The following SNTB2 variants were observed in gnomAD, a reference collection of about 807,000 sequenced individuals.
SNTB2 encodes syntrophin beta 2, also known as beta-2-syntrophin.
A neutral mutation model predicts 46.2 loss-of-function variants in SNTB2; 34 were observed. The observed-to-expected ratio is 0.74, with a 90% CI of 0.56 to 0.98. The LOEUF (loss-of-function observed/expected upper bound fraction) is 0.98. Among genes scored for constraint, SNTB2 ranks in the 50% least tolerant of loss-of-function variants. The pLI is 0.00. For synonymous variants in SNTB2, 290 were observed against 312.6 expected (o/e 0.93, Z 0.76); for missense variants, 603 against 731.4 (o/e 0.82, Z 2.02).
Position 69,307,972 on chromosome 16 carries a change from T to A in SNTB2, c.*7048T>A, listed in dbSNP as rs1012593432. 3.3e-5 allele frequency: 5 copies of A among 152,270 alleles called. No individual in the cohort carries two copies. Among genetic ancestry groups the A allele is most frequent in the Non-Finnish European group, 5.9e-5 (4 of 68,050 alleles). 9.4% of individuals were successfully genotyped at this position (152,270 alleles called of 1,614,324 possible). ...CTTTCTATCCAGCTTGCCTTCCATT[T>A]ATCTCTAGGGTTAGCTTTTCAGGCA... On this transcript the variant is annotated 3_prime_UTR_variant, in exon 7 of 7. Transcript: ENST00000336278.
At chr16:69,252,096 G>T (rs894818044) in intron 2 of SNTB2, among the ~76,000 whole-genome samples, 2 of 152,048 alleles carry the variant, frequency 1.3e-5, no homozygotes, top group African/African-American at 4.8e-5. Context: ...TCTTTTTGTG[G>T]CTCATCCTTC....
At chr16:69,271,761 T>G (rs1964939828) in intron 4 of SNTB2, among the ~76,000 whole-genome samples, 1 of 152,182 alleles carries the variant, frequency 6.6e-6, no homozygotes, top group African/African-American at 2.4e-5. Context: ...GAGGGTAGCT[T>G]TATTCTTTTT....
At chr16:69,234,719 T>C (rs964528212) in intron 1 of SNTB2, among the ~76,000 whole-genome samples, 10 of 150,374 alleles carry the variant, frequency 6.7e-5, no homozygotes, top group Non-Finnish European at 1.2e-4. Flanking sequence ...TTTTTTTTTT[T>C]CGAGACCAAG....
intron 4 of SNTB2, among the ~76,000 whole-genome samples, chr16:69,277,345 T>A (rs1964992781): frequency 6.6e-6 from 1 of 152,236 alleles, no homozygotes; most frequent in Non-Finnish European, 1.5e-5. Context: ...GAGATTTTTT[T>A]ATCTTTTATA....
intron 2 of SNTB2, among the ~76,000 whole-genome samples, chr16:69,249,308 G>A (rs1269095930): frequency 6.6e-6 from 1 of 152,118 alleles, no homozygotes; most frequent in African/African-American, 2.4e-5. Context: ...TTACAGGCAT[G>A]AGCCACCGCT....
chr16:69,239,758 T>C (rs1236882832), intron 1 of SNTB2, among the ~76,000 whole-genome samples: 1 of 152,170 alleles, frequency 6.6e-6, no homozygotes, highest in Non-Finnish European at 1.5e-5. Flanking sequence ...TTGGCCAGGC[T>C]GGTCTTGAAC....
In SNTB2 at chr16:69,245,652, T is replaced by C. The variant is rs778318847; in HGVS notation, c.631T>C (p.Ser211Pro). ...TPYIKKPSLV[S>P]DLPWEGAAPQ... ...ATATATCAAGAAGCCATCATTAGTA[T>C]CAGATCTGCCGTGGGAAGGTGCAGC... Residue 211 changes from serine (S) to proline (P), a missense_variant, in exon 2 of 7, where the codon TCA becomes CCA. Transcript: ENST00000336278. The C allele has an allele frequency of 2.5e-6, 4 of 1,614,150 alleles. No homozygotes were observed. The highest frequency in any genetic ancestry group is 3.4e-6 in the Non-Finnish European group (4 of 1,180,028).
At chr16:69,202,876 A>G (rs1289631696) in intron 1 of SNTB2, among the ~76,000 whole-genome samples, 1 of 151,772 alleles carries the variant, frequency 6.6e-6, no homozygotes, top group Non-Finnish European at 1.5e-5. Flanking sequence ...ACGCCTGGCC[A>G]CATCTGATAA....
chr16:69,203,309 CG>C (rs1964183444), intron 1 of SNTB2, among the ~76,000 whole-genome samples: 1 of 151,630 alleles, frequency 6.6e-6, no homozygotes, highest in Admixed American at 6.6e-5. Flanking sequence ...TGAGCCACTG[CG>C]CCCAGCGTTT....
chr16:69,245,940 A>G, intron 2 of SNTB2, 125 bp downstream of exon 2: 1 of 989,714 alleles, frequency 1.0e-6, no homozygotes, highest in Non-Finnish European at 1.5e-6. Flanking sequence ...TGAGAGATGC[A>G]TTTTTGGGGT....
chr16:69,237,422 G>A (rs1242863152), intron 1 of SNTB2, among the ~76,000 whole-genome samples: 2 of 152,126 alleles, frequency 1.3e-5, no homozygotes, highest in East Asian at 3.9e-4. Flanking sequence ...AGAGATTAAG[G>A]AGTGAAAGGA....
At chr16:69,285,154 T>C (rs1034513452) in intron 5 of SNTB2, among the ~76,000 whole-genome samples, 1 of 152,348 alleles carries the variant, frequency 6.6e-6, no homozygotes, top group South Asian at 2.1e-4. Flanking sequence ...GATGCATGAC[T>C]GTACCATAAT....
chr16:69,234,281 C>T (rs942023246), intron 1 of SNTB2, among the ~76,000 whole-genome samples: 7 of 152,216 alleles, frequency 4.6e-5, no homozygotes, highest in Admixed American at 2.0e-4. Flanking sequence ...TGTAGTAAGC[C>T]GTGGTTGTAC....
chr16:69,293,595 T>C (rs1965195197), intron 5 of SNTB2, among the ~76,000 whole-genome samples: 2 of 152,054 alleles, frequency 1.3e-5, no homozygotes, highest in Non-Finnish European at 2.9e-5. Flanking sequence ...AGTTTTGATA[T>C]GAAGAGGAGG....
At position 69,235,806 on chromosome 16, in the gene SNTB2, A is replaced by G. The variant is rs1035954324; in HGVS notation, c.581-9796A>G. 10 of 1,289,178 alleles carry G rather than the reference A, an allele frequency of 7.8e-6. No individual in the cohort carries two copies. In the African/African-American group the frequency reaches 1.2e-4, roughly 16 times the overall value. 79.9% of individuals were successfully genotyped at this position (1,289,178 alleles called of 1,614,324 possible). ...TCAGGGGCACATCAGCTGCTGTACT[A>G]AGTTTCTTCAAATATCCTGGAATTG... On this transcript the variant is annotated intron_variant, in intron 1 of 6. Coordinates refer to ENST00000336278, the MANE Select transcript of SNTB2 (RefSeq NM_006750.4).
intron 5 of SNTB2, among the ~76,000 whole-genome samples, chr16:69,287,037 G>T (rs752777971): frequency 2.0e-5 from 3 of 152,128 alleles, no homozygotes; most frequent in African/African-American, 4.8e-5. Flanking sequence ...TTTGAAATAG[G>T]AGTTACTCTA....
intron 1 of SNTB2, among the ~76,000 whole-genome samples, chr16:69,223,929 C>T (rs745682326): frequency 3.3e-5 from 5 of 151,940 alleles, no homozygotes; most frequent in Non-Finnish European, 7.4e-5. Flanking sequence ...CACACCCGGC[C>T]GACAGTTCTT....
rs1161003079 is a variant in SNTB2, at chr16:69,301,585, T to C, written c.*661T>C. ...GGACTTAGAACTTGTAAATTTGATTTGCCTTGCCTTCTACTTCCTTTCTAG... is the reference window on the plus strand; with the variant it reads ...GGACTTAGAACTTGTAAATTTGATTCGCCTTGCCTTCTACTTCCTTTCTAG... On this transcript the variant is annotated 3_prime_UTR_variant, in exon 7 of 7. Coordinates refer to ENST00000336278, the MANE Select transcript of SNTB2 (RefSeq NM_006750.4). 1 of 152,652 alleles carries C rather than the reference T, an allele frequency of 6.6e-6. No individual in the cohort carries two copies. The highest frequency in any genetic ancestry group is 2.4e-5 in the African/African-American group (1 of 41,472). 9.5% of individuals were successfully genotyped at this position (152,652 alleles called of 1,614,324 possible).
intron 5 of SNTB2, among the ~76,000 whole-genome samples, chr16:69,296,733 AG>A (rs1965229242): frequency 1.3e-5 from 2 of 150,442 alleles, no homozygotes; most frequent in South Asian, 4.2e-4. Flanking sequence ...AAAAAAAAAA[AG>A]AAAAAAGAAA....
Sources: gnomAD v4.1 joint callset for allele counts (sites outside exome capture counted in the v4.1 genomes callset) on GRCh38, gnomAD v4.1.1 for gene constraint, MANE v1.5 for transcripts, NCBI Gene and HGNC (gene_info 2026-07-23, HGNC 2026-07-21) for gene names.